The following ILRUN variants were observed in gnomAD, a reference collection of about 807,000 sequenced individuals.
ILRUN encodes the protein inflammation and lipid regulator with UBA-like and NBR1-like domains.
Under a neutral mutation model 33.8 loss-of-function variants are expected in ILRUN, and 3 were observed. That is an observed-to-expected ratio of 0.09 (90% CI 0.04 to 0.23). The LOEUF is 0.23. ILRUN is among the 10% of genes least tolerant of loss of function. The pLI is 1.00. For missense variants in ILRUN, 210 were observed against 375.1 expected (o/e 0.56, Z 3.64); for synonymous variants, 124 against 138.9 (o/e 0.89, Z 0.75).
chr6:34,650,468 C>T (rs1762642473), intron 2 of ILRUN, among the ~76,000 whole-genome samples: 2 of 150,656 alleles, frequency 1.3e-5, no homozygotes, highest in African/African-American at 4.9e-5. Context: ...GGAGTCTCTG[C>T]CGCCCAGGCT....
At position 34,660,138 on chromosome 6, in the gene ILRUN, C is replaced by CAAA. The variant is rs35747437; in HGVS notation, c.159-5362_159-5360dup. On this transcript the variant is annotated intron_variant, in intron 1 of 4. Transcript: ENST00000374023. ...GTAACATGGCGAAACCTCATCCCTTCAAAAAAAAAAAAAAATCAGCCAGGC... is the reference window on the plus strand; with the variant it reads ...GTAACATGGCGAAACCTCATCCCTTCAAAAAAAAAAAAAAAAAATCAGCCAGGC... 7.4e-3 allele frequency among the ~76,000 whole-genome samples: 983 copies of CAAA among 132,390 alleles called. 17 individuals are homozygous for CAAA. Among genetic ancestry groups the CAAA allele is most frequent in the African/African-American group, 0.025 (925 of 36,358 alleles). 86.9% of individuals were successfully genotyped at this position (132,390 alleles called of 152,430 possible). A position where few individuals can be genotyped will look rare whatever the true frequency, so the allele number is the denominator to read the frequency against.
chr6:34,612,865 AC>A (rs1459299504), intron 3 of ILRUN, among the ~76,000 whole-genome samples: 1 of 152,058 alleles, frequency 6.6e-6, no homozygotes, highest in Non-Finnish European at 1.5e-5. Flanking sequence ...ACACGGTGAA[AC>A]CCCATCTCTA....
chr6:34,696,758 AACTCACTCTGCCACTC>A, exon 1 of ILRUN: 1 of 590,276 alleles, frequency 1.7e-6, no homozygotes, highest in Non-Finnish European at 2.8e-6. Flanking sequence ...CATAGGGGTA[AACTCACTCTGCCACTC>A]ACTCACTCTC....
chr6:34,597,957 C>T (rs1761435912), intron 4 of ILRUN, among the ~76,000 whole-genome samples: 1 of 152,198 alleles, frequency 6.6e-6, no homozygotes. Flanking sequence ...CCAAGTCTTA[C>T]TGCTTTGGCC....
chr6:34,612,304 G>A (rs57003290), intron 3 of ILRUN, among the ~76,000 whole-genome samples: 2,166 of 152,162 alleles, frequency 0.014, 39 homozygotes, highest in African/African-American at 0.05. Context: ...GGTGGCACAC[G>A]CTTGTAGACC....
rs188340018 is a variant in ILRUN, at chr6:34,612,923, G to A, written c.512-6019C>T. Among the ~76,000 whole-genome samples the A allele has an allele frequency of 7.0e-4, 107 of 152,206 alleles. 1 individual carries two copies. Among genetic ancestry groups the A allele is most frequent in the Non-Finnish European group, 1.3e-3 (89 of 68,000 alleles). The stretch of plus-strand genomic sequence containing the variant: ...CCGGGCATGGTGGTGGGCACCTGTA[G>A]TCCCAGCTACTCAGGAGGCTGAGGC... On this transcript the variant is annotated intron_variant, in intron 3 of 4. Coordinates refer to ENST00000374023, the MANE Select transcript of ILRUN (RefSeq NM_024294.4).
At chr6:34,621,116 G>C (rs969244868) in intron 3 of ILRUN, among the ~76,000 whole-genome samples, 1 of 152,076 alleles carries the variant, frequency 6.6e-6, no homozygotes, top group African/African-American at 2.4e-5. Context: ...AGTTTACAAC[G>C]ACACTTACAA....
intron 3 of ILRUN, among the ~76,000 whole-genome samples, chr6:34,640,509 G>A (rs1224881784): frequency 1.3e-5 from 2 of 151,536 alleles, no homozygotes; most frequent in Non-Finnish European, 2.9e-5. Context: ...TCAAGAGATT[G>A]AGACCACCCT....
chr6:34,619,195 T>C (rs957946276), intron 3 of ILRUN, among the ~76,000 whole-genome samples: 5 of 151,918 alleles, frequency 3.3e-5, no homozygotes, highest in African/African-American at 1.2e-4. Context: ...GGCAGAGAGA[T>C]GAGGAAGAAG....
At chr6:34,627,704 C>CTTTT (rs71000075) in intron 3 of ILRUN, among the ~76,000 whole-genome samples, 8 of 134,908 alleles carry the variant, frequency 5.9e-5, no homozygotes, top group African/African-American at 1.1e-4. Context: ...GTCTTTGGCC[C>CTTTT]TTTTTTTTTT....
chr6:34,646,451 TA>T lies in ILRUN; in HGVS notation c.511+149del. On this transcript the variant is annotated intron_variant, in intron 3 of 4. Coordinates refer to ENST00000374023, the MANE Select transcript of ILRUN (RefSeq NM_024294.4). This position sits in a 1 kb window ranked among gnomAD's most constrained non-coding sequence, Gnocchi z 4.9. ...GAGCACTAGACTAATCAATTAGTCA[TA>T]AAATGCAAATCATTTACCTGCATGA... 3.0e-6 allele frequency: 2 copies of T among 665,528 alleles called. No individual in the cohort carries two copies. Among genetic ancestry groups the T allele is most frequent in the Non-Finnish European group, 5.1e-6 (2 of 393,722 alleles). The allele number at this position is 665,528 out of a possible 1,614,324, so 41.2% of individuals were successfully genotyped here.
chr6:34,678,036 T>G (rs963098272), intron 1 of ILRUN, among the ~76,000 whole-genome samples: 5 of 151,742 alleles, frequency 3.3e-5, no homozygotes, highest in Non-Finnish European at 7.4e-5. Flanking sequence ...TATTACCTAA[T>G]TTCACATTTT....
intron 3 of ILRUN, among the ~76,000 whole-genome samples, chr6:34,630,528 CA>C (rs1008535913): frequency 1.3e-4 from 20 of 152,244 alleles, no homozygotes; most frequent in Middle Eastern, 3.4e-3. Flanking sequence ...GGTCTACAGG[CA>C]CGTACCACCA....
intron 3 of ILRUN, among the ~76,000 whole-genome samples, chr6:34,607,646 G>A (rs1439276795): frequency 8.6e-6 from 1 of 116,834 alleles, no homozygotes; most frequent in African/African-American, 4.8e-5. Flanking sequence ...ATCATAGAGT[G>A]TACAAAACCT....
intron 1 of ILRUN, among the ~76,000 whole-genome samples, chr6:34,683,352 ATTT>A (rs1395482261): frequency 6.8e-6 from 1 of 148,106 alleles, no homozygotes; most frequent in Non-Finnish European, 1.5e-5. Context: ...TATATATATA[ATTT>A]TACATACATA....
At chr6:34,647,990 C>T (rs1432142465) in intron 2 of ILRUN, among the ~76,000 whole-genome samples, 1 of 152,206 alleles carries the variant, frequency 6.6e-6, no homozygotes, top group African/African-American at 2.4e-5. Context: ...TGAGCCATGG[C>T]GCCCAGCCGG....
intron 3 of ILRUN, among the ~76,000 whole-genome samples, chr6:34,642,576 G>T (rs1403095234): frequency 6.6e-6 from 1 of 152,112 alleles, no homozygotes; most frequent in African/African-American, 2.4e-5. Context: ...CCAAGAGGTG[G>T]AAGTGGGCCA....
At chr6:34,657,161 C>T (rs1297168687) in intron 1 of ILRUN, among the ~76,000 whole-genome samples, 1 of 152,176 alleles carries the variant, frequency 6.6e-6, no homozygotes, top group African/African-American at 2.4e-5. Flanking sequence ...TTTGGAAAAG[C>T]TGTATGTCTA....
rs1193966287 is a variant in ILRUN at position 34,667,669 on chromosome 6, A to G, written c.159-12890T>C. 2.0e-5 allele frequency among the ~76,000 whole-genome samples: 3 copies of G among 152,340 alleles called. No homozygotes were observed. In the East Asian group the frequency reaches 5.8e-4, roughly 29 times the overall value. On this transcript the variant is annotated intron_variant, in intron 1 of 4. Coordinates refer to ENST00000374023, the MANE Select transcript of ILRUN (RefSeq NM_024294.4). ...ATAGTCAGTAATAGGACAAACTAAC[A>G]TAATATGCCTCCTGATGTGACGCAA...
Sources: gnomAD v4.1 joint callset for allele counts (sites outside exome capture counted in the v4.1 genomes callset) on GRCh38, gnomAD v4.1.1 for gene constraint, Gnocchi (gnomAD v3.1) non-coding constraint, MANE v1.5 for transcripts, NCBI Gene and HGNC (gene_info 2026-07-23, HGNC 2026-07-21) for gene names.